The following CYP2J2 variants were observed in gnomAD, a reference collection of about 807,000 sequenced individuals.
CYP2J2 encodes cytochrome P450 family 2 subfamily J member 2, also known as cytochrome P450 2J2.
In CYP2J2, 41 loss-of-function variants were observed where a neutral mutation model predicts 48.8. The observed-to-expected ratio is 0.84, with a 90% CI of 0.66 to 1.09. CYP2J2 has a LOEUF of 1.09. Among genes scored for constraint, CYP2J2 ranks in the 50% least tolerant of loss-of-function variants. The probability of loss-of-function intolerance (pLI) is 0.00; values close to 1 mark genes in which losing one functional copy is unlikely to be tolerated. For synonymous variants in CYP2J2, 221 were observed against 227.1 expected (o/e 0.97, Z 0.24); for missense variants, 644 against 617.3 (o/e 1.04, Z -0.46).
the CYP2J2 span, among the ~76,000 whole-genome samples, chr1:59,956,610 T>G: frequency 6.6e-6 from 1 of 152,310 alleles, no homozygotes; most frequent in Non-Finnish European, 1.5e-5. Context: ...TTCTAAATGC[T>G]AATTAATTCC....
chr1:59,910,762 TC>T (rs1473452614), intron 4 of CYP2J2, among the ~76,000 whole-genome samples: 3 of 151,756 alleles, frequency 2.0e-5, no homozygotes, highest in Non-Finnish European at 4.4e-5. Context: ...TTCTCCCCCC[TC>T]CCCCCAGCTC....
chr1:59,903,388 C>T (rs1363492756), intron 7 of CYP2J2, among the ~76,000 whole-genome samples: 2 of 152,074 alleles, frequency 1.3e-5, no homozygotes, highest in African/African-American at 2.4e-5. Context: ...CTAAGAGTGG[C>T]GAATGGAGTG....
chr1:59,896,684 C>G (rs1644272628), intron 8 of CYP2J2, among the ~76,000 whole-genome samples: 1 of 152,134 alleles, frequency 6.6e-6, no homozygotes, highest in South Asian at 2.1e-4. Context: ...TTACCCCACA[C>G]AAGTCACTAC....
rs1214556728 is a variant in CYP2J2, at chr1:59,904,967, G to A, written c.1095C>T (p.Val365=). Residue 365 remains valine, a synonymous_variant, in exon 7 of 9, where the codon GTC becomes GTT. Transcript: ENST00000371204. ...ARESMPYTNA[V]IHEVQRMGNI... ...TGCCCATTCTCTGCACCTCATGGATGACAGCATTGGTGTAGGGCATGGACT... is the reference window on the plus strand; with the variant it reads ...TGCCCATTCTCTGCACCTCATGGATAACAGCATTGGTGTAGGGCATGGACT... 6.2e-7 allele frequency: 1 copy of A among 1,613,618 alleles called. No homozygotes were observed. The highest frequency in any genetic ancestry group is 2.2e-5 in the East Asian group (1 of 44,868).
At chr1:59,905,925 G>A (rs973689543) in intron 6 of CYP2J2, among the ~76,000 whole-genome samples, 5 of 152,114 alleles carry the variant, frequency 3.3e-5, no homozygotes, top group African/African-American at 9.7e-5. Context: ...TTTTCCTCAC[G>A]CTTGTAATCC....
At chr1:59,900,898 A>T in intron 8 of CYP2J2, 67 bp downstream of exon 8, 1 of 1,545,554 alleles carries the variant, frequency 6.5e-7, no homozygotes, top group Non-Finnish European at 8.9e-7. Flanking sequence ...AAGGGAAAAC[A>T]GGAGAGAGCA....
chr1:59,911,767 T>C lies in CYP2J2; in HGVS notation c.525A>G (p.Gly175=). ...HLTEAIKEEN[G]QPFDPHFKIN... is the part of the protein sequence containing the mutation. ...TCTTGAAATGAGGGTCAAAAGGCTG[T>C]CCTGAAGGTGGAGGAAGGGCAAGAT... Residue 175 remains glycine (G), a splice_region_variant and synonymous_variant, in exon 4 of 9, where the codon GGA becomes GGG. Coordinates refer to ENST00000371204, the MANE Select transcript of CYP2J2 (RefSeq NM_000775.4). The C allele has an allele frequency of 1.2e-6, 2 of 1,611,650 alleles. No homozygotes were observed. Among genetic ancestry groups the C allele is most frequent in the Non-Finnish European group, 1.7e-6 (2 of 1,179,010 alleles).
At chr1:59,934,173 T>C in the CYP2J2 span, among the ~76,000 whole-genome samples, 1 of 152,108 alleles carries the variant, frequency 6.6e-6, no homozygotes, top group Non-Finnish European at 1.5e-5. Context: ...GGCAAAACTG[T>C]ATAACCACAT....
chr1:59,893,890 T>C, intron 8 of CYP2J2, 61 bp from the exon 9 acceptor site: 1 of 1,490,872 alleles, frequency 6.7e-7, no homozygotes, highest in South Asian at 1.4e-5. Flanking sequence ...CTAGCAGAGA[T>C]TGCTATCCTC....
the CYP2J2 span, among the ~76,000 whole-genome samples, chr1:59,940,935 G>C: frequency 6.6e-6 from 1 of 152,140 alleles, no homozygotes; most frequent in East Asian, 1.9e-4. Context: ...AAAAGTTGAC[G>C]TTATGGAAGT....
At chr1:59,911,860 T>A in intron 3 of CYP2J2, 92 bp from the exon 4 acceptor site, 1 of 1,290,144 alleles carries the variant, frequency 7.8e-7, no homozygotes, top group South Asian at 1.4e-5. Flanking sequence ...AAGACATACC[T>A]AGTGCAGAAC....
the CYP2J2 span, among the ~76,000 whole-genome samples, chr1:59,940,622 G>C: frequency 9.9e-5 from 15 of 152,236 alleles, no homozygotes; most frequent in East Asian, 2.7e-3. Context: ...CATACTCACA[G>C]GGAAATAAAT....
the CYP2J2 span, among the ~76,000 whole-genome samples, chr1:59,938,104 G>A: frequency 6.6e-6 from 1 of 152,132 alleles, no homozygotes; most frequent in Admixed American, 6.5e-5. Flanking sequence ...GTGAAGGCAT[G>A]TTTTCCTGGA....
chr1:59,961,253 T>C, the CYP2J2 span, among the ~76,000 whole-genome samples: 1 of 152,164 alleles, frequency 6.6e-6, no homozygotes, highest in African/African-American at 2.4e-5. Flanking sequence ...CAGGAATTCA[T>C]ATCCACAAAG....
intron 8 of CYP2J2, among the ~76,000 whole-genome samples, chr1:59,900,000 T>C (rs887348862): frequency 6.6e-6 from 1 of 152,214 alleles, no homozygotes; most frequent in African/African-American, 2.4e-5. Flanking sequence ...ATGTCGTGAG[T>C]TAAAAATATA....
chr1:59,927,700 G>A (rs954210214), upstream of CYP2J2, among the ~76,000 whole-genome samples: 2 of 152,160 alleles, frequency 1.3e-5, no homozygotes, highest in African/African-American at 4.8e-5. Context: ...AGCCTCCCAT[G>A]TAGCTGGGAC....
chr1:59,913,676 CCTA>C (rs1644439004), intron 2 of CYP2J2, among the ~76,000 whole-genome samples: 1 of 152,142 alleles, frequency 6.6e-6, no homozygotes, highest in South Asian at 2.1e-4. Context: ...CTTGGACTAA[CCTA>C]CTGTTATTTC....
intron 3 of CYP2J2, 135 bp downstream of exon 3, chr1:59,912,027 C>A: frequency 9.7e-7 from 1 of 1,032,424 alleles, no homozygotes; most frequent in Non-Finnish European, 1.4e-6. Context: ...TCTTTGAGGA[C>A]AGAGTTGTTC....
At chr1:59,907,117 C>A (rs143169139) in intron 6 of CYP2J2, among the ~76,000 whole-genome samples, 1 of 152,072 alleles carries the variant, frequency 6.6e-6, no homozygotes, top group East Asian at 1.9e-4. Context: ...ACATGATAAG[C>A]CTAGTAATAA....
Sources: gnomAD v4.1 joint callset for allele counts (sites outside exome capture counted in the v4.1 genomes callset) on GRCh38, gnomAD v4.1.1 for gene constraint, MANE v1.5 for transcripts, NCBI Gene and HGNC (gene_info 2026-07-23, HGNC 2026-07-21) for gene names.